Variants in SNRPD1 observed in about 807,000 individuals in gnomAD.
The protein encoded by SNRPD1 is small nuclear ribonucleoprotein D1 polypeptide, also known as small nuclear ribonucleoprotein Sm D1.
SNRPD1 carries 1 observed loss-of-function variant against 14.4 expected under a neutral mutation model. The observed-to-expected ratio is 0.07, with a 90% confidence interval of 0.02 to 0.33. The LOEUF (loss-of-function observed/expected upper bound fraction) is 0.33. Among genes scored for constraint, SNRPD1 ranks in the 10% least tolerant of loss-of-function variants. SNRPD1 has a pLI of 1.00. For synonymous variants in SNRPD1, 42 were observed against 50.3 expected (o/e 0.83, Z 0.70); for missense variants, 52 against 146.4 (o/e 0.36, Z 3.33).
At chr18:21,617,723 C>G (rs1196939247) in intron 1 of SNRPD1, among the ~76,000 whole-genome samples, 1 of 152,160 alleles carries the variant, frequency 6.6e-6, no homozygotes, top group African/African-American at 2.4e-5. Flanking sequence ...ATTTCATCGG[C>G]CAGGCGTGGT....
chr18:21,627,859 A>G (rs1161925011), intron 3 of SNRPD1, among the ~76,000 whole-genome samples: 1 of 151,992 alleles, frequency 6.6e-6, no homozygotes, highest in African/African-American at 2.4e-5. Flanking sequence ...TGTCCCTTTA[A>G]TGTCCTTTTC....
At chr18:21,625,650 G>A (rs188679608) in intron 3 of SNRPD1, among the ~76,000 whole-genome samples, 60 of 150,926 alleles carry the variant, frequency 4.0e-4, no homozygotes, top group African/African-American at 1.4e-3. Context: ...TCACTCTGTC[G>A]CCCAGGCTGG....
At chr18:21,615,178 G>T (rs1385042053) in intron 1 of SNRPD1, among the ~76,000 whole-genome samples, 1 of 152,186 alleles carries the variant, frequency 6.6e-6, no homozygotes, top group Non-Finnish European at 1.5e-5. Flanking sequence ...GCCTGCGCTA[G>T]AATTTCATAT....
intron 1 of SNRPD1, among the ~76,000 whole-genome samples, chr18:21,619,216 A>G (rs535953626): frequency 5.9e-5 from 9 of 152,086 alleles, no homozygotes; most frequent in East Asian, 1.9e-4. Flanking sequence ...GTCTCACTCT[A>G]TTGTCCAGGC....
Position 21,631,015 on chromosome 18 carries a change from T to G in SNRPD1, c.*1877T>G, listed in dbSNP as rs2039079536. On this transcript the variant is annotated 3_prime_UTR_variant, in exon 4 of 4. Coordinates refer to ENST00000300413, the MANE Select transcript of SNRPD1 (RefSeq NM_006938.4). ...AATTTTTTTTTGTAAGTCATTGAAGTTATATAGTAATTAGCGTTTTTTCCC... is the reference window on the plus strand; with the variant it reads ...AATTTTTTTTTGTAAGTCATTGAAGGTATATAGTAATTAGCGTTTTTTCCC... 6.6e-6 allele frequency: 1 copy of G among 151,892 alleles called. No homozygotes were observed. 9.4% of individuals were successfully genotyped at this position (151,892 alleles called of 1,614,324 possible).
At chr18:21,613,858 A>C (rs1399826351) in intron 1 of SNRPD1, among the ~76,000 whole-genome samples, 2 of 150,544 alleles carry the variant, frequency 1.3e-5, no homozygotes, top group Non-Finnish European at 3.0e-5. Context: ...CCATCTCAAA[A>C]AAAAAAAAAA....
At position 21,629,679 on chromosome 18, in the gene SNRPD1, T is replaced by G. The variant is rs890161320; in HGVS notation, c.*541T>G. 4 of 154,436 alleles carry G rather than the reference T, an allele frequency of 2.6e-5. No individual in the cohort carries two copies. The highest frequency in any genetic ancestry group is 4.8e-5 in the African/African-American group (2 of 41,460). 9.6% of individuals were successfully genotyped at this position (154,436 alleles called of 1,614,324 possible). ...CTTAGTGATTGCCACAAGAGTAGGG[T>G]ACCGTCTGTTTACACGTCCAGTTAG... On this transcript the variant is annotated 3_prime_UTR_variant, in exon 4 of 4. Transcript: ENST00000300413.
intron 3 of SNRPD1, among the ~76,000 whole-genome samples, chr18:21,627,434 GTTTTTTTTTTTT>G (rs71178190): frequency 2.1e-5 from 2 of 97,368 alleles, no homozygotes; most frequent in Non-Finnish European, 2.0e-5. Flanking sequence ...CTTTTCTTGG[GTTTTTTTTTTTT>G]TTTTTTTTTT....
chr18:21,622,299 C>T (rs1479632233), intron 1 of SNRPD1, among the ~76,000 whole-genome samples: 2 of 152,008 alleles, frequency 1.3e-5, no homozygotes, highest in Admixed American at 6.6e-5. Flanking sequence ...GCCACCATGC[C>T]CAGCTAATTT....
In SNRPD1 at chr18:21,632,517, C is replaced by G. The variant is rs2039091938; in HGVS notation, c.*3379C>G. On this transcript the variant is annotated 3_prime_UTR_variant, in exon 4 of 4. Coordinates refer to ENST00000300413, the MANE Select transcript of SNRPD1 (RefSeq NM_006938.4). ...TGTCTAGGATGTTTGCAGTGTGAAG[C>G]CAGTCTAGTAACAGTTTAAATGTAA... The G allele has an allele frequency of 6.6e-6, 1 of 151,834 alleles. No individual in the cohort carries two copies. The highest frequency in any genetic ancestry group is 2.1e-4 in the South Asian group (1 of 4,806). 9.4% of individuals were successfully genotyped at this position (151,834 alleles called of 1,614,324 possible). A position where few individuals can be genotyped will look rare whatever the true frequency, so the allele number is the denominator to read the frequency against.
At chr18:21,621,503 C>T (rs1046964334) in intron 1 of SNRPD1, among the ~76,000 whole-genome samples, 4 of 152,114 alleles carry the variant, frequency 2.6e-5, no homozygotes, top group African/African-American at 4.8e-5. Context: ...CGGGTTCAAG[C>T]GATTCTCATG....
chr18:21,617,914 G>C (rs556737795), intron 1 of SNRPD1, among the ~76,000 whole-genome samples: 2 of 152,170 alleles, frequency 1.3e-5, no homozygotes, highest in African/African-American at 4.8e-5. Context: ...GGGAGACGGA[G>C]GTTGCAATGA....
intron 1 of SNRPD1, among the ~76,000 whole-genome samples, chr18:21,616,790 A>G (rs1006293881): frequency 2.0e-5 from 3 of 150,034 alleles, no homozygotes; most frequent in Non-Finnish European, 3.0e-5. Context: ...GGTTCAAGTG[A>G]TTCCCCTGCC....
At chr18:21,612,545 T>C in intron 1 of SNRPD1, 102 bp downstream of exon 1, 1 of 905,660 alleles carries the variant, frequency 1.1e-6, no homozygotes, top group South Asian at 2.4e-5. Flanking sequence ...GAAAGCCGCG[T>C]GTGCGCGGCC....
chr18:21,612,723 A>G (rs1420107059), intron 1 of SNRPD1, among the ~76,000 whole-genome samples: 1 of 152,246 alleles, frequency 6.6e-6, no homozygotes, highest in African/African-American at 2.4e-5. Flanking sequence ...CCTGGGACAC[A>G]TCTCCCTCTT....
At chr18:21,624,162 C>T (rs1274794628) in intron 3 of SNRPD1, among the ~76,000 whole-genome samples, 4 of 151,852 alleles carry the variant, frequency 2.6e-5, no homozygotes, top group Non-Finnish European at 5.9e-5. Flanking sequence ...GGGTGGATCA[C>T]GAGGTCAGGA....
chr18:21,615,737 A>C (rs1193454808), intron 1 of SNRPD1, among the ~76,000 whole-genome samples: 1 of 152,374 alleles, frequency 6.6e-6, no homozygotes, highest in African/African-American at 2.4e-5. Context: ...TTTGGAGGGA[A>C]ACAAATTTTC....
intron 1 of SNRPD1, among the ~76,000 whole-genome samples, chr18:21,620,208 C>T (rs191499057): frequency 1.3e-5 from 2 of 152,130 alleles, no homozygotes; most frequent in Non-Finnish European, 2.9e-5. Flanking sequence ...CCCACCTTGG[C>T]CTCCCAAAGT....
rs984010461 is a variant in SNRPD1 at position 21,633,504 on chromosome 18, TAA to T, written c.*4368_*4369del. On this transcript the variant is annotated 3_prime_UTR_variant, in exon 4 of 4. Transcript: ENST00000300413. Reference sequence around the variant, plus strand: ...GTGAAATTCTTGTGGATCTGTGAAATAAAGAGGAGTACTTTCTTTTCGTTTTT... The same window carrying T: ...GTGAAATTCTTGTGGATCTGTGAAATAGAGGAGTACTTTCTTTTCGTTTTT... The T allele has an allele frequency of 1.3e-5, 2 of 152,114 alleles. No homozygotes were observed. The highest frequency in any genetic ancestry group is 4.8e-5 in the African/African-American group (2 of 41,438). 9.4% of individuals were successfully genotyped at this position (152,114 alleles called of 1,614,324 possible).
Sources: allele counts gnomAD v4.1 joint callset (sites outside exome capture counted in the v4.1 genomes callset), GRCh38; gene constraint gnomAD v4.1.1; transcripts MANE v1.5; gene names NCBI Gene and HGNC (gene_info 2026-07-23, HGNC 2026-07-21).